Variants in BRCA2 observed in about 807,000 individuals in gnomAD.
BRCA2 encodes breast cancer type 2 susceptibility protein.
In BRCA2, 203 loss-of-function variants were observed where a neutral mutation model predicts 276.7. That is an observed-to-expected ratio of 0.73 (90% CI 0.65 to 0.82). The LOEUF (loss-of-function observed/expected upper bound fraction) is 0.82. Among genes scored for constraint, BRCA2 ranks in the 40% least tolerant of loss-of-function variants. The probability of loss-of-function intolerance (pLI) is 0.00; values close to 1 mark genes in which losing one functional copy is unlikely to be tolerated. For missense variants in BRCA2, 3,920 were observed against 3,915.0 expected (o/e 1.00, Z -0.03); for synonymous variants, 1,289 against 1,338.4 (o/e 0.96, Z 0.81).
In BRCA2 at chr13:32,357,780, T is replaced by A. The variant is rs1002707354; in HGVS notation, c.7656T>A (p.Ile2552=). ...GCGTTTCTAAACATTGCATAAAAAT[T>A]AACAGCAAAAATGCAGAGTCTTTTC... ...TYGVSKHCIK[I]NSKNAESFQF... is the part of the protein sequence containing the mutation. The change falls in exon 16 of 27, where the codon ATT becomes ATA. Residue 2552 remains isoleucine (I), a synonymous_variant. Transcript: ENST00000380152. 1.2e-6 allele frequency: 2 copies of A among 1,613,820 alleles called. No homozygotes were observed. Among genetic ancestry groups the A allele is most frequent in the East Asian group, 4.5e-5 (2 of 44,854 alleles).
intron 20 of BRCA2, among the ~76,000 whole-genome samples, chr13:32,375,806 C>T (rs2072867387): frequency 1.3e-5 from 2 of 152,014 alleles, no homozygotes; most frequent in Non-Finnish European, 1.5e-5. Context: ...GTGATCCACC[C>T]GCCTCGGCCT....
chr13:32,331,629 A>G (rs988448342), intron 9 of BRCA2, among the ~76,000 whole-genome samples: 1 of 152,168 alleles, frequency 6.6e-6, no homozygotes, highest in African/African-American at 2.4e-5. Flanking sequence ...AGACAGTACT[A>G]TTTAATATGT....
chr13:32,381,984 G>A (rs2137629501), intron 24 of BRCA2, among the ~76,000 whole-genome samples: 1 of 152,274 alleles, frequency 6.6e-6, no homozygotes, highest in Admixed American at 6.5e-5. Context: ...ATGTGGGGAA[G>A]TTCAGGAGCT....
intron 7 of BRCA2, among the ~76,000 whole-genome samples, chr13:32,327,645 C>T (rs1264991688): frequency 1.3e-5 from 2 of 151,122 alleles, no homozygotes; most frequent in African/African-American, 2.4e-5. Flanking sequence ...TGCACTCCAG[C>T]CTGGGCAACA....
Position 32,380,013 on chromosome 13 carries a change from G to A in BRCA2, c.9124G>A (p.Asp3042Asn), listed in dbSNP as rs2137624523. 1 of 1,613,934 alleles carries A rather than the reference G, an allele frequency of 6.2e-7. No individual in the cohort carries two copies. The highest frequency in any genetic ancestry group is 1.1e-5 in the South Asian group (1 of 91,060). ...TTTGTTTTGTTTTCTGTAGGTTTCA[G>A]ATGAAATTTTATTTCAGATTTACCA... ...KTQYQQLPVS[D>N]EILFQIYQPR... Residue 3042 changes from aspartate to asparagine, a missense_variant, in exon 24 of 27, where the codon GAT (aspartate) becomes AAT (asparagine). By Grantham distance (23) the Asp-to-Asn change is conservative. Coordinates refer to ENST00000380152, the MANE Select transcript of BRCA2 (RefSeq NM_000059.4).
intron 26 of BRCA2, among the ~76,000 whole-genome samples, chr13:32,397,888 A>G (rs2073046838): frequency 6.6e-6 from 1 of 152,228 alleles, no homozygotes; most frequent in South Asian, 2.1e-4. Context: ...AGATTAAAGC[A>G]TAAGTGACGT....
intron 24 of BRCA2, among the ~76,000 whole-genome samples, chr13:32,381,845 G>A (rs1250280063): frequency 3.9e-5 from 6 of 152,146 alleles, no homozygotes. Flanking sequence ...CCAAACAAAA[G>A]CAATGGAAGT....
chr13:32,329,790 T>A lies in BRCA2; in HGVS notation c.681+298T>A, dbSNP rs11571628. On this transcript the variant is annotated intron_variant, in intron 8 of 26. Transcript: ENST00000380152. ...AGTACCGAACCCTATATATATATAT[T>A]AAAAATGTGTAGTATTTATATATAT... is the stretch of plus-strand genomic sequence containing the variant. Among the ~76,000 whole-genome samples the A allele has an allele frequency of 9.8e-3, 1,470 of 149,986 alleles. 29 individuals are homozygous for A. Among genetic ancestry groups the A allele is most frequent in the African/African-American group, 0.034 (1,409 of 40,950 alleles).
chr13:32,367,386 G>A (rs992887049), intron 18 of BRCA2, among the ~76,000 whole-genome samples: 3 of 151,940 alleles, frequency 2.0e-5, no homozygotes, highest in Non-Finnish European at 2.9e-5. Flanking sequence ...GCAGTGAGCC[G>A]AGATTGTGCC....
In BRCA2 at chr13:32,357,742, C is replaced by A. The variant is rs397507390; in HGVS notation, c.7618C>A (p.Leu2540Met). ...QVPSACSHKQ[L>M]YTYGVSKHCI... ...TTTTGTGTGTGTTTATTTTGTGTAGCTGTATACGTATGGCGTTTCTAAACA... is the reference window on the plus strand; with the variant it reads ...TTTTGTGTGTGTTTATTTTGTGTAGATGTATACGTATGGCGTTTCTAAACA... The change falls in exon 16 of 27, where the codon CTG becomes ATG. Residue 2540 changes from leucine to methionine, a missense_variant and splice_region_variant. Physicochemically the swap from Leu to Met is conservative, Grantham distance 15. This residue lies in a region of BRCA2 where 3,263 missense variants were observed against 3,156.9 expected (regional missense o/e 1.03). Coordinates refer to ENST00000380152, the MANE Select transcript of BRCA2 (RefSeq NM_000059.4). 4 of 1,610,326 alleles carry A rather than the reference C, an allele frequency of 2.5e-6. No individual in the cohort carries two copies. In the African/African-American group the frequency reaches 5.3e-5, roughly 22 times the overall value.
At chr13:32,368,818 T>TG (rs1566248007) in intron 18 of BRCA2, among the ~76,000 whole-genome samples, 6 of 138,376 alleles carry the variant, frequency 4.3e-5, no homozygotes, top group East Asian at 4.8e-4. Context: ...TGGTTTTTTT[T>TG]GTTTTTTTTT....
rs863224303 is a variant in BRCA2 at position 32,319,231 on chromosome 13, G to A, written c.222G>A (p.Leu74=). Residue 74 remains leucine (L), a synonymous_variant, in exon 3 of 27, where the codon CTG becomes CTA. Coordinates refer to ENST00000380152, the MANE Select transcript of BRCA2 (RefSeq NM_000059.4). ...TPQRKPSYNQ[L]ASTPIIFKEQ... ...AAAGGAAACCATCTTATAATCAGCT[G>A]GCTTCAACTCCAATAATATTCAAAG... 1.2e-6 allele frequency: 2 copies of A among 1,613,606 alleles called. No individual in the cohort carries two copies.
Position 32,339,888 on chromosome 13 carries a change from A to G in BRCA2, c.5533A>G (p.Arg1845Gly), listed in dbSNP as rs1294545669. 2 of 1,610,582 alleles carry G rather than the reference A, an allele frequency of 1.2e-6. No homozygotes were observed. The highest frequency in any genetic ancestry group is 1.7e-6 in the Non-Finnish European group (2 of 1,178,124). The part of the protein sequence containing the change: ...NNFEVGPPAF[R>G]IASGKIVCVS... ...TTTTGAGGTAGGGCCACCTGCATTTAGGATAGCCAGTGGTAAAATCGTTTG... is the reference window on the plus strand; with the variant it reads ...TTTTGAGGTAGGGCCACCTGCATTTGGGATAGCCAGTGGTAAAATCGTTTG... Residue 1845 changes from arginine to glycine, a missense_variant, in exon 11 of 27, where the codon AGG becomes GGG. Coordinates refer to ENST00000380152, the MANE Select transcript of BRCA2 (RefSeq NM_000059.4).
At position 32,339,151 on chromosome 13, in the gene BRCA2, A is replaced by G. The variant is rs149759218; in HGVS notation, c.4796A>G (p.Asn1599Ser). The change falls in exon 11 of 27, where the codon AAT becomes AGT. Residue 1599 changes from asparagine (N) to serine (S), a missense_variant. By Grantham distance (46) the Asn-to-Ser change is conservative. Coordinates refer to ENST00000380152, the MANE Select transcript of BRCA2 (RefSeq NM_000059.4). ...TGTAAAGAAATGCAGAATTCTCTCA[A>G]TAATGATAAAAACCTTGTTTCTATT... The part of the protein sequence containing the change: ...PKCKEMQNSL[N>S]NDKNLVSIET... 2.5e-6 allele frequency: 4 copies of G among 1,613,896 alleles called. No homozygotes were observed. The African/African-American group carries it at 4.0e-5, about 16-fold the overall frequency.
At chr13:32,354,770 T>G (rs1370719123) in intron 13 of BRCA2, 91 bp from the exon 14 acceptor site, 1 of 892,324 alleles carries the variant, frequency 1.1e-6, no homozygotes, top group East Asian at 2.5e-5. Context: ...AGTATCACCA[T>G]GTAGCAAATG....
chr13:32,393,694 G>T (rs890024501), intron 24 of BRCA2, among the ~76,000 whole-genome samples: 1 of 152,012 alleles, frequency 6.6e-6, no homozygotes, highest in African/African-American at 2.4e-5. Context: ...TGCTAGATAG[G>T]CTCATTACTT....
intron 3 of BRCA2, among the ~76,000 whole-genome samples, chr13:32,322,762 T>A (rs999090132): frequency 1.3e-5 from 2 of 152,254 alleles, no homozygotes; most frequent in Non-Finnish European, 1.5e-5. Flanking sequence ...TTTTAATGAT[T>A]TCATGCTGAA....
chr13:32,383,509 G>C (rs1593195062), intron 24 of BRCA2, among the ~76,000 whole-genome samples: 1 of 152,168 alleles, frequency 6.6e-6, no homozygotes, highest in Non-Finnish European at 1.5e-5. Flanking sequence ...TATTGTTGTT[G>C]TGTGATATTT....
chr13:32,329,047 G>A (rs965291396), intron 7 of BRCA2, among the ~76,000 whole-genome samples: 15 of 152,048 alleles, frequency 9.9e-5, no homozygotes, highest in Non-Finnish European at 1.5e-4. Context: ...GAAATAATAT[G>A]GATAAAATCA....
Sources: gnomAD v4.1 joint callset for allele counts (sites outside exome capture counted in the v4.1 genomes callset) on GRCh38, gnomAD v4.1.1 for gene constraint, gnomAD v4.1.1 regional missense constraint, MANE v1.5 for transcripts, NCBI Gene and HGNC (gene_info 2026-07-23, HGNC 2026-07-21) for gene names.